The following SYT1 variants were observed in gnomAD, a reference collection of about 807,000 sequenced individuals.
The protein encoded by SYT1 is synaptotagmin-1.
Under a neutral mutation model 44.8 loss-of-function variants are expected in SYT1, and 8 were observed. That is an observed-to-expected ratio of 0.18 (90% CI 0.10 to 0.32). The LOEUF (loss-of-function observed/expected upper bound fraction) is 0.32, where lower values mean the gene tolerates loss of function less well. Ranked by LOEUF, SYT1 falls within the 10% of genes least tolerant of loss-of-function variation. SYT1 has a pLI of 1.00. For synonymous variants in SYT1, 154 were observed against 188.8 expected (o/e 0.82, Z 1.51); for missense variants, 286 against 509.3 (o/e 0.56, Z 4.22).
At chr12:79,245,473 C>CA (rs1273397377) in intron 4 of SYT1, among the ~76,000 whole-genome samples, 4,374 of 43,472 alleles carry the variant, frequency 0.1, 284 homozygotes, top group Non-Finnish European at 0.12. Context: ...ACTCCGTCAA[C>CA]AAAAAAAAAA....
intron 2 of SYT1, among the ~76,000 whole-genome samples, chr12:79,037,935 G>T (rs998713345): frequency 6.6e-6 from 1 of 151,754 alleles, no homozygotes; most frequent in Non-Finnish European, 1.5e-5. Flanking sequence ...ACAGTTTCAT[G>T]TAATACAGTA....
At chr12:78,929,614 A>C (rs1000811945) in intron 1 of SYT1, among the ~76,000 whole-genome samples, 1 of 151,956 alleles carries the variant, frequency 6.6e-6, no homozygotes, top group Non-Finnish European at 1.5e-5. Context: ...TTATTTTAAA[A>C]AGCCAAATGA....
chr12:79,139,998 GA>G (rs1224603724), intron 3 of SYT1, among the ~76,000 whole-genome samples: 1 of 152,184 alleles, frequency 6.6e-6, no homozygotes, highest in Non-Finnish European at 1.5e-5. Context: ...CAAGTATCCT[GA>G]AATTAATGGA....
chr12:79,344,318 C>T (rs181978812), intron 8 of SYT1, among the ~76,000 whole-genome samples: 112 of 152,290 alleles, frequency 7.4e-4, no homozygotes, highest in Non-Finnish European at 1.3e-3. Flanking sequence ...GACCACTGTG[C>T]CCAAGTGCCT....
At chr12:78,967,819 TATGATAAAGG>T (rs1188615187) in intron 1 of SYT1, among the ~76,000 whole-genome samples, 1 of 152,026 alleles carries the variant, frequency 6.6e-6, no homozygotes, top group African/African-American at 2.4e-5. Context: ...TAAACACAGA[TATGATAAAGG>T]AAGAGTAAGC....
chr12:79,180,487 T>TA (rs1235860983), intron 3 of SYT1, among the ~76,000 whole-genome samples: 348 of 19,954 alleles, frequency 0.017, 2 homozygotes, highest in African/African-American at 0.072. Context: ...TTTTTTTTTT[T>TA]TAAAAAAAGG....
intron 3 of SYT1, among the ~76,000 whole-genome samples, chr12:79,076,413 ATGT>A (rs1272916754): frequency 6.6e-6 from 1 of 152,122 alleles, no homozygotes; most frequent in African/African-American, 2.4e-5. Context: ...AAAAAATAGA[ATGT>A]TACCAAAATT....
chr12:78,907,282 T>G (rs1876045252), intron 1 of SYT1, among the ~76,000 whole-genome samples: 1 of 152,054 alleles, frequency 6.6e-6, no homozygotes, highest in South Asian at 2.1e-4. Context: ...ATAGGATGCC[T>G]GCAAAAACCA....
At chr12:78,885,313 G>GAGGGAAGAAGGA (rs1480012065) in intron 1 of SYT1, among the ~76,000 whole-genome samples, 1 of 46,754 alleles carries the variant, frequency 2.1e-5, no homozygotes, top group Non-Finnish European at 3.7e-5. Flanking sequence ...AGGAGAGAGG[G>GAGGGAAGAAGGA]AGGGAAGAAG....
rs529758042 is a variant in SYT1, at chr12:79,403,211, T to C, written c.929-40862T>C. Among the ~76,000 whole-genome samples the C allele has an allele frequency of 5.4e-4, 82 of 152,292 alleles. 1 individual carries two copies. The highest frequency in any genetic ancestry group is 1.9e-3 in the African/African-American group (80 of 41,562). On this transcript the variant is annotated intron_variant, in intron 9 of 10. Transcript: ENST00000261205. ...AAACCCAGATGGGAATAAGACCTTC[T>C]ATTATACAGGATTCCCCAGAGAAAC...
At chr12:79,115,706 T>C (rs1407639388) in intron 3 of SYT1, among the ~76,000 whole-genome samples, 8 of 152,318 alleles carry the variant, frequency 5.3e-5, no homozygotes, top group Admixed American at 4.6e-4. Flanking sequence ...TATTAAGTAA[T>C]TTTTTTAAAT....
chr12:79,046,961 T>G (rs954438427), intron 2 of SYT1, among the ~76,000 whole-genome samples: 2 of 151,948 alleles, frequency 1.3e-5, no homozygotes, highest in Non-Finnish European at 2.9e-5. Flanking sequence ...TCATGTGATT[T>G]ATTTCTTAAT....
chr12:79,285,798 G>A lies in SYT1; in HGVS notation c.178G>A (p.Ala60Thr). The A allele has an allele frequency of 6.2e-7, 1 of 1,605,890 alleles. No individual in the cohort carries two copies. Among genetic ancestry groups the A allele is most frequent in the Non-Finnish European group, 8.5e-7 (1 of 1,177,814 alleles). ...ELHKIPLPPW[A>T]LIAIAIVAVL... ...TGTGTTTCTTTCAGTGCCACCGTGG[G>A]CCTTAATTGCAATAGCCATAGTCGC... The change falls in exon 5 of 11, where the codon GCC (alanine) becomes ACC (threonine). Residue 60 changes from alanine (A) to threonine (T), a missense_variant. Coordinates refer to ENST00000261205, the MANE Select transcript of SYT1 (RefSeq NM_005639.3).
intron 9 of SYT1, among the ~76,000 whole-genome samples, chr12:79,390,464 A>G (rs1019508636): frequency 3.9e-5 from 6 of 152,120 alleles, no homozygotes; most frequent in African/African-American, 1.4e-4. Flanking sequence ...AATTTTTTTA[A>G]AAGGATAAGA....
intron 9 of SYT1, among the ~76,000 whole-genome samples, chr12:79,387,858 C>A (rs979173949): frequency 3.3e-5 from 5 of 152,188 alleles, no homozygotes; most frequent in African/African-American, 9.6e-5. Context: ...GTTTTGAAAA[C>A]TTCTATAATA....
intron 3 of SYT1, among the ~76,000 whole-genome samples, chr12:79,133,272 A>G (rs1342513150): frequency 1.3e-5 from 2 of 152,104 alleles, no homozygotes; most frequent in African/African-American, 4.8e-5. Flanking sequence ...TAATCCCTGC[A>G]CTTTGGGAGG....
chr12:78,876,807 G>GTATTATATATTA, intron 1 of SYT1, among the ~76,000 whole-genome samples: 1 of 15,240 alleles, frequency 6.6e-5, no homozygotes, highest in South Asian at 4.5e-3. Context: ...TATATTATAT[G>GTATTATATATTA]TAATACATAT....
At chr12:79,039,190 C>A (rs909717322) in intron 2 of SYT1, among the ~76,000 whole-genome samples, 2 of 151,940 alleles carry the variant, frequency 1.3e-5, no homozygotes, top group African/African-American at 2.4e-5. Context: ...GATATATTTT[C>A]TCAATGTCAA....
chr12:79,336,332 A>G (rs190955913), intron 8 of SYT1, among the ~76,000 whole-genome samples: 2 of 152,248 alleles, frequency 1.3e-5, no homozygotes, highest in East Asian at 3.9e-4. Context: ...ACGATTCCTG[A>G]GTTGATTTTC....
Sources: allele counts gnomAD v4.1 joint callset (sites outside exome capture counted in the v4.1 genomes callset), GRCh38; gene constraint gnomAD v4.1.1; transcripts MANE v1.5; gene names NCBI Gene and HGNC (gene_info 2026-07-23, HGNC 2026-07-21).